The following SNRNP200 variants were observed in gnomAD, a reference collection of about 807,000 sequenced individuals.
SNRNP200 encodes the protein U5 small nuclear ribonucleoprotein 200 kDa helicase.
SNRNP200 carries 66 observed loss-of-function variants against 255.2 expected under a neutral mutation model. The observed-to-expected ratio is 0.26, with a 90% CI of 0.21 to 0.32. The LOEUF (loss-of-function observed/expected upper bound fraction) is 0.32. SNRNP200 is among the 10% of genes least tolerant of loss of function. The pLI is 1.00. For missense variants in SNRNP200, 1,585 were observed against 2,749.8 expected, an observed-to-expected ratio of 0.58 and a Z score of 9.47; for synonymous variants, 939 against 1,027.8, an observed-to-expected ratio of 0.91 and a Z score of 1.65.
At position 96,283,364 on chromosome 2, in the gene SNRNP200, AGGCACT is replaced by A; in HGVS notation, c.4764-18_4764-13del. ...TGCAGTGCAAGAACCTGTGCGGTAC[AGGCACT>A]GGCTCAGCTCAGAGTAGTTCAATTC... On this transcript the variant is annotated splice_polypyrimidine_tract_variant and intron_variant, in intron 33 of 44. Coordinates refer to ENST00000323853, the MANE Select transcript of SNRNP200 (RefSeq NM_014014.5). The surrounding 1 kb of genome is among the most constrained non-coding windows in gnomAD (Gnocchi z 4.7). 1 of 1,614,154 alleles carries A rather than the reference AGGCACT, an allele frequency of 6.2e-7. No individual in the cohort carries two copies.
chr2:96,283,025 C>T lies in SNRNP200; in HGVS notation c.4915+176G>A. On this transcript the variant is annotated intron_variant, in intron 34 of 44. Coordinates refer to ENST00000323853, the MANE Select transcript of SNRNP200 (RefSeq NM_014014.5). This position sits in a 1 kb window ranked among gnomAD's most constrained non-coding sequence, Gnocchi z 4.7. ...TGGCAAGTAGGGATAGTGTTTGTCT[C>T]ACCTGCCTCACGAGGTTCTTGGGAG... The T allele has an allele frequency of 1.3e-6, 1 of 769,382 alleles. No individual in the cohort carries two copies. Among genetic ancestry groups the T allele is most frequent in the Non-Finnish European group, 2.2e-6 (1 of 456,786 alleles). The allele number at this position is 769,382 out of a possible 1,614,324, so 47.7% of individuals were successfully genotyped here. A position where few individuals can be genotyped will look rare whatever the true frequency, so the allele number is the denominator to read the frequency against.
At position 96,305,479 on chromosome 2, in the gene SNRNP200, A is replaced by G; in HGVS notation, c.-42T>C. The G allele has an allele frequency of 4.3e-6, 7 of 1,612,874 alleles. No individual in the cohort carries two copies. Among genetic ancestry groups the G allele is most frequent in the Non-Finnish European group, 5.9e-6 (7 of 1,179,698 alleles). On this transcript the variant is annotated 5_prime_UTR_variant, in exon 1 of 45. Transcript: ENST00000323853. Reference sequence around the variant, plus strand: ...AGGCTTCAGACCACCACGCCTCCCTACCGCAAGCTGCAAACGGCCGCAGAT... The same window carrying G: ...AGGCTTCAGACCACCACGCCTCCCTGCCGCAAGCTGCAAACGGCCGCAGAT...
chr2:96,301,786 T>C (rs1378610034), intron 3 of SNRNP200, 70 bp from the exon 4 acceptor site: 4 of 1,561,352 alleles, frequency 2.6e-6, no homozygotes, highest in African/African-American at 2.7e-5. Context: ...CAGGTGTATG[T>C]GGCGGCAGGA....
At chr2:96,304,356 G>T (rs747232988) in intron 2 of SNRNP200, among the ~76,000 whole-genome samples, 1 of 152,130 alleles carries the variant, frequency 6.6e-6, no homozygotes, top group Non-Finnish European at 1.5e-5. Context: ...ACGTGGACAA[G>T]AGTAAATGGA....
chr2:96,289,528 C>T, intron 21 of SNRNP200, 149 bp from the exon 22 acceptor site: 1 of 887,762 alleles, frequency 1.1e-6, no homozygotes, highest in Non-Finnish European at 1.8e-6. Context: ...AATAGGACAA[C>T]TGGATGAAGT....
chr2:96,293,443 G>A lies in SNRNP200; in HGVS notation c.1909C>T (p.Arg637Ter). 1.9e-6 allele frequency: 3 copies of A among 1,613,118 alleles called. No homozygotes were observed. The highest frequency in any genetic ancestry group is 1.7e-6 in the Non-Finnish European group (2 of 1,179,974). The stretch of plus-strand genomic sequence containing the variant: ...TCCTCTTGGGTCATCTCAATGTTTC[G>A]GATGGCCCTGGCCACTAAAGCTTCT... ...VLEALVARAI[R>*]NIEMTQEDVR... Residue 637 changes from arginine to a stop codon, truncating the protein, a stop_gained, in exon 15 of 45, where the codon CGA (arginine) becomes TGA (stop). Transcript: ENST00000323853. LOFTEE classifies it high-confidence loss of function.
Position 96,288,646 on chromosome 2 carries a change from T to C in SNRNP200, c.3258+17A>G, listed in dbSNP as rs113469430. 2 of 1,610,984 alleles carry C rather than the reference T, an allele frequency of 1.2e-6. No homozygotes were observed. Among genetic ancestry groups the C allele is most frequent in the Non-Finnish European group, 1.7e-6 (2 of 1,177,152 alleles). On this transcript the variant is annotated intron_variant, in intron 24 of 44. Coordinates refer to ENST00000323853, the MANE Select transcript of SNRNP200 (RefSeq NM_014014.5). ...TTCAGGCCCCTTCTCACAGCTGCCA[T>C]ACAACTCCGCTCTCACCTGTGTGAC...
rs1188909250 is a variant in SNRNP200, at chr2:96,304,815, C to T, written c.99G>A (p.Arg33=). 6.2e-7 allele frequency: 1 copy of T among 1,614,076 alleles called. No individual in the cohort carries two copies. Among genetic ancestry groups the T allele is most frequent in the Admixed American group, 1.7e-5 (1 of 59,990 alleles). The part of the protein sequence containing the change: ...ADRSLIDRTR[R]DEPTGEVLSL... Reference sequence around the variant, plus strand: ...ACAGCACCTCTCCTGTGGGTTCATCCCGGCGGGTCCGGTCAATGAGAGAAC... The same window carrying T: ...ACAGCACCTCTCCTGTGGGTTCATCTCGGCGGGTCCGGTCAATGAGAGAAC... The change falls in exon 2 of 45, where the codon CGG becomes CGA. Residue 33 remains arginine (R), a synonymous_variant. Transcript: ENST00000323853.
chr2:96,282,208 T>C, intron 34 of SNRNP200: 1 of 410,278 alleles, frequency 2.4e-6, no homozygotes. Flanking sequence ...GGACTGCTCC[T>C]CTGACCAGAA....
At chr2:96,304,424 AGGAATAG>A (rs2063974275) in intron 2 of SNRNP200, among the ~76,000 whole-genome samples, 1 of 152,224 alleles carries the variant, frequency 6.6e-6, no homozygotes, top group Non-Finnish European at 1.5e-5. Context: ...ACTGGGACAT[AGGAATAG>A]CAAGGGTCTT....
In SNRNP200 at chr2:96,278,776, C is replaced by T. The variant is rs1214911535; in HGVS notation, c.5323+33G>A. The T allele has an allele frequency of 1.2e-6, 2 of 1,614,088 alleles. No individual in the cohort carries two copies. The highest frequency in any genetic ancestry group is 2.2e-5 in the South Asian group (2 of 91,078). ...GCCCAGCAAAGACTGTGAGAACCAC[C>T]AAAGGATCACGTGTGCTCCCAAGCC... On this transcript the variant is annotated intron_variant, in intron 37 of 44. Coordinates refer to ENST00000323853, the MANE Select transcript of SNRNP200 (RefSeq NM_014014.5). This position sits in a 1 kb window ranked among gnomAD's most constrained non-coding sequence, Gnocchi z 6.9.
rs189222299 is a variant in SNRNP200 at position 96,278,499 on chromosome 2, G to A, written c.5488+48C>T. The A allele has an allele frequency of 1.6e-5, 25 of 1,611,774 alleles. No homozygotes were observed. Among genetic ancestry groups the A allele is most frequent in the Middle Eastern group, 1.7e-4 (1 of 6,048 alleles). On this transcript the variant is annotated intron_variant, in intron 38 of 44. Transcript: ENST00000323853. This position sits in a 1 kb window ranked among gnomAD's most constrained non-coding sequence, Gnocchi z 6.9. ...TCTCATCCCAGTGGGCTCCTGACCCGTGTAAAAAGGCTCCCACAGACAGGA... is the reference window on the plus strand; with the variant it reads ...TCTCATCCCAGTGGGCTCCTGACCCATGTAAAAAGGCTCCCACAGACAGGA...
chr2:96,284,068 C>T, intron 31 of SNRNP200, 64 bp from the exon 32 acceptor site: 3 of 1,471,736 alleles, frequency 2.0e-6, no homozygotes, highest in Non-Finnish European at 2.8e-6. Context: ...CCTGGAGGTC[C>T]CCTTTGTGAA....
chr2:96,305,512 C>A lies in SNRNP200; in HGVS notation c.-75G>T. 1 of 1,596,006 alleles carries A rather than the reference C, an allele frequency of 6.3e-7. No individual in the cohort carries two copies. Among genetic ancestry groups the A allele is most frequent in the South Asian group, 1.1e-5 (1 of 90,702 alleles). On this transcript the variant is annotated 5_prime_UTR_variant, in exon 1 of 45. Transcript: ENST00000323853. ...CTGCAAACGGCCGCAGATCTCTGCT[C>A]CCGCCGCGCCGGAACGACGCAGGAA...
intron 24 of SNRNP200, 62 bp from the exon 25 acceptor site, chr2:96,288,031 C>A: frequency 6.9e-7 from 1 of 1,452,596 alleles, no homozygotes. Context: ...TCATGAGCCA[C>A]TCTACACACG....
chr2:96,287,704 C>A lies in SNRNP200; in HGVS notation c.3366-147G>T, dbSNP rs2063852071. The stretch of plus-strand genomic sequence containing the variant: ...GACACTGTGCCAGCCCTGGCCTCCA[C>A]CACAGAGGGCCTTCCCTCTTCTCAA... On this transcript the variant is annotated intron_variant, in intron 25 of 44. Transcript: ENST00000323853. The surrounding 1 kb of genome is among the most constrained non-coding windows in gnomAD (Gnocchi z 5.7). 9 of 919,994 alleles carry A rather than the reference C, an allele frequency of 9.8e-6. No individual in the cohort carries two copies. Among genetic ancestry groups the A allele is most frequent in the Admixed American group, 1.7e-5 (1 of 57,876 alleles). 57.0% of individuals were successfully genotyped at this position (919,994 alleles called of 1,614,324 possible).
Position 96,274,851 on chromosome 2 carries a change from T to C in SNRNP200, c.*161A>G. On this transcript the variant is annotated 3_prime_UTR_variant, in exon 45 of 45. Transcript: ENST00000323853. ...ACACCTGCTGTCACTGGATCCAGAG[T>C]GAGCAAGGGAAAGGAAGTGGAGGTA... 1.3e-6 allele frequency: 1 copy of C among 769,042 alleles called. No individual in the cohort carries two copies. Among genetic ancestry groups the C allele is most frequent in the Non-Finnish European group, 2.3e-6 (1 of 437,636 alleles). The allele number at this position is 769,042 out of a possible 1,614,324, so 47.6% of individuals were successfully genotyped here.
intron 5 of SNRNP200, among the ~76,000 whole-genome samples, chr2:96,299,636 T>A (rs2063940530): frequency 6.6e-6 from 1 of 152,188 alleles, no homozygotes; most frequent in Non-Finnish European, 1.5e-5. Context: ...TACTTTCTAT[T>A]TCTCACCTTA....
chr2:96,287,398 C>T lies in SNRNP200; in HGVS notation c.3484+41G>A. 7.0e-7 allele frequency: 1 copy of T among 1,438,412 alleles called. No individual in the cohort carries two copies. Among genetic ancestry groups the T allele is most frequent in the South Asian group, 1.1e-5 (1 of 87,504 alleles). The allele number at this position is 1,438,412 out of a possible 1,614,324, so 89.1% of individuals were successfully genotyped here. A position where few individuals can be genotyped will look rare whatever the true frequency, so the allele number is the denominator to read the frequency against. On this transcript the variant is annotated intron_variant, in intron 26 of 44. Coordinates refer to ENST00000323853, the MANE Select transcript of SNRNP200 (RefSeq NM_014014.5). This position sits in a 1 kb window ranked among gnomAD's most constrained non-coding sequence, Gnocchi z 5.7. ...GACTACATAGGCAAACTGGGAGAGA[C>T]ACCCAGGCAGTGAGGACAAGGGCGA...
Sources: allele counts gnomAD v4.1 joint callset (sites outside exome capture counted in the v4.1 genomes callset), GRCh38; gene constraint gnomAD v4.1.1; non-coding constraint Gnocchi (gnomAD v3.1); transcripts MANE v1.5; gene names NCBI Gene and HGNC (gene_info 2026-07-23, HGNC 2026-07-21).